Variants in NR1H4 observed in about 807,000 individuals in gnomAD.
NR1H4 encodes the protein nuclear receptor subfamily 1 group H member 4.
A neutral mutation model predicts 58.5 loss-of-function variants in NR1H4; 23 were observed. The observed-to-expected ratio is 0.39, with a 90% CI of 0.28 to 0.56. The LOEUF is 0.56. NR1H4 is among the 20% of genes least tolerant of loss of function. The probability of loss-of-function intolerance (pLI) is 0.58; values close to 1 mark genes in which losing one functional copy is unlikely to be tolerated. For synonymous variants in NR1H4, 214 were observed against 198.0 expected, an observed-to-expected ratio of 1.08 and a Z score of -0.68; for missense variants, 487 against 576.9, an observed-to-expected ratio of 0.84 and a Z score of 1.60.
chr12:100,524,288 A>C (rs571547786), intron 4 of NR1H4, among the ~76,000 whole-genome samples: 61 of 152,364 alleles, frequency 4.0e-4, no homozygotes, highest in African/African-American at 1.3e-3. Context: ...TTAACCCCAC[A>C]GAGCAAACGA....
chr12:100,494,504 A>G (rs1039369709), intron 3 of NR1H4, among the ~76,000 whole-genome samples: 2 of 152,224 alleles, frequency 1.3e-5, no homozygotes, highest in African/African-American at 4.8e-5. Context: ...AGGTTTATGG[A>G]AAAAACAGAT....
intron 1 of NR1H4, among the ~76,000 whole-genome samples, chr12:100,488,447 A>G (rs1953541355): frequency 6.6e-6 from 1 of 152,276 alleles, no homozygotes; most frequent in Non-Finnish European, 1.5e-5. Flanking sequence ...ATGGGTACTC[A>G]TAATAGCTAG....
At chr12:100,497,350 G>T (rs1391454180) in intron 3 of NR1H4, among the ~76,000 whole-genome samples, 1 of 152,132 alleles carries the variant, frequency 6.6e-6, no homozygotes, top group Non-Finnish European at 1.5e-5. Flanking sequence ...ATGACAGGTG[G>T]TCAGCCTGCA....
chr12:100,483,762 T>C (rs1329838733), intron 1 of NR1H4, among the ~76,000 whole-genome samples: 2 of 152,082 alleles, frequency 1.3e-5, no homozygotes, highest in East Asian at 3.9e-4. Context: ...GGCGGGTGGA[T>C]CACTTGAGGT....
At chr12:100,496,323 C>T (rs890604976) in intron 3 of NR1H4, among the ~76,000 whole-genome samples, 1 of 152,076 alleles carries the variant, frequency 6.6e-6, no homozygotes, top group African/African-American at 2.4e-5. Flanking sequence ...TGCCCTATAG[C>T]CTGGAGTGAT....
chr12:100,518,792 T>A (rs1031830590), intron 4 of NR1H4, among the ~76,000 whole-genome samples: 6 of 145,768 alleles, frequency 4.1e-5, no homozygotes, highest in Admixed American at 6.8e-5. Context: ...CAATGACTTT[T>A]TTTTTTTTTT....
At chr12:100,532,631 C>T in intron 5 of NR1H4, 21 bp downstream of exon 5, 2 of 1,610,566 alleles carry the variant, frequency 1.2e-6, no homozygotes, top group South Asian at 1.1e-5. Flanking sequence ...CAAGCAATTA[C>T]ATTTCACTAA....
chr12:100,510,062 A>G (rs1358200577), intron 3 of NR1H4, among the ~76,000 whole-genome samples: 1 of 152,250 alleles, frequency 6.6e-6, no homozygotes, highest in Non-Finnish European at 1.5e-5. Context: ...ATTGTTTTAC[A>G]TCTACTTAAT....
At position 100,504,439 on chromosome 12, in the gene NR1H4, A is replaced by G. The variant is rs117615171; in HGVS notation, c.80-6339A>G. 7.8e-3 allele frequency among the ~76,000 whole-genome samples: 1,182 copies of G among 152,252 alleles called. 9 individuals carry two copies. Among genetic ancestry groups the G allele is most frequent in the Middle Eastern group, 0.024 (7 of 294 alleles). On this transcript the variant is annotated intron_variant, in intron 3 of 10. Coordinates refer to ENST00000392986, the MANE Select transcript of NR1H4 (RefSeq NM_001206979.2). Reference sequence around the variant, plus strand: ...AATGAGTTGGAAGGCCGGGGAAGCAAATTTTCTATTTACTTCAATTTAACC... The same window carrying G: ...AATGAGTTGGAAGGCCGGGGAAGCAGATTTTCTATTTACTTCAATTTAACC...
intron 1 of NR1H4, among the ~76,000 whole-genome samples, chr12:100,491,014 CGAACTCTTGGGCTT>C (rs1449929023): frequency 6.6e-5 from 10 of 152,092 alleles, no homozygotes; most frequent in African/African-American, 2.4e-4. Context: ...AGGCTGGTCT[CGAACTCTTGGGCTT>C]GAGTGATTCT....
chr12:100,497,548 A>G (rs1467219996), intron 3 of NR1H4, among the ~76,000 whole-genome samples: 1 of 152,194 alleles, frequency 6.6e-6, no homozygotes, highest in African/African-American at 2.4e-5. Context: ...GACATCCCTG[A>G]CAAATCCAGA....
chr12:100,480,375 A>G (rs1953353065), intron 1 of NR1H4, among the ~76,000 whole-genome samples: 1 of 152,212 alleles, frequency 6.6e-6, no homozygotes, highest in Non-Finnish European at 1.5e-5. Context: ...AAGAGTAAGT[A>G]CCTTATCACA....
intron 9 of NR1H4, among the ~76,000 whole-genome samples, chr12:100,552,728 GC>G (rs1372974571): frequency 6.6e-6 from 1 of 152,224 alleles, no homozygotes; most frequent in South Asian, 2.1e-4. Flanking sequence ...TTCGAGACCG[GC>G]CTAGAATACA....
intron 1 of NR1H4, among the ~76,000 whole-genome samples, chr12:100,479,950 C>T (rs1161664423): frequency 6.6e-6 from 1 of 152,162 alleles, no homozygotes; most frequent in African/African-American, 2.4e-5. Flanking sequence ...TCTGATTGCC[C>T]TCTCCAAAAC....
At chr12:100,501,085 C>G in intron 3 of NR1H4, among the ~76,000 whole-genome samples, 1 of 151,558 alleles carries the variant, frequency 6.6e-6, no homozygotes, top group Non-Finnish European at 1.5e-5. Flanking sequence ...GTGAATTTCA[C>G]TCAGCAACAA....
intron 9 of NR1H4, among the ~76,000 whole-genome samples, chr12:100,556,476 AAAAAAC>A (rs1293232154): frequency 2.0e-5 from 3 of 151,666 alleles, no homozygotes; most frequent in Non-Finnish European, 2.9e-5. Flanking sequence ...TCAAAGAAAA[AAAAAAC>A]AAAAAACAAA....
At chr12:100,521,812 T>G (rs1480682340) in intron 4 of NR1H4, among the ~76,000 whole-genome samples, 3 of 152,214 alleles carry the variant, frequency 2.0e-5, no homozygotes, top group Non-Finnish European at 4.4e-5. Flanking sequence ...GACATCCTAT[T>G]TAAGATCAAG....
At chr12:100,510,607 T>TTATATATATATATATATATATATATA (rs34480475) in intron 3 of NR1H4, among the ~76,000 whole-genome samples, 171 bp from the exon 4 acceptor site, 4 of 133,688 alleles carry the variant, frequency 3.0e-5, no homozygotes, top group African/African-American at 1.1e-4. Context: ...TCATTTAATT[T>TTATATATATATATATATATATATATA]TATATATATA....
chr12:100,550,444 A>C (rs1457283918), intron 9 of NR1H4, among the ~76,000 whole-genome samples: 3 of 152,146 alleles, frequency 2.0e-5, no homozygotes, highest in Non-Finnish European at 2.9e-5. Flanking sequence ...GGCTTACTGC[A>C]ACCTCCGCCT....
Sources: allele counts gnomAD v4.1 joint callset (sites outside exome capture counted in the v4.1 genomes callset), GRCh38; gene constraint gnomAD v4.1.1; transcripts MANE v1.5; gene names NCBI Gene and HGNC (gene_info 2026-07-23, HGNC 2026-07-21).